Variants in LDB2 observed in about 807,000 individuals in gnomAD.
LDB2 encodes the protein LIM domain-binding protein 2.
LDB2 carries 12 observed loss-of-function variants against 44.3 expected under a neutral mutation model. The ratio of observed to expected loss-of-function variants is 0.27; its 90% confidence interval spans 0.17 to 0.44. The LOEUF (loss-of-function observed/expected upper bound fraction) is 0.44, where lower values mean the gene tolerates loss of function less well. Ranked by LOEUF, LDB2 falls within the 20% of genes least tolerant of loss-of-function variation. LDB2 has a pLI of 1.00. For synonymous variants in LDB2, 164 were observed against 174.8 expected (o/e 0.94, Z 0.49); for missense variants, 344 against 473.5 (o/e 0.73, Z 2.54).
chr4:16,658,255 T>C (rs1283483876), intron 2 of LDB2, among the ~76,000 whole-genome samples: 1 of 152,198 alleles, frequency 6.6e-6, no homozygotes, highest in African/African-American at 2.4e-5. Context: ...AAGAATTCAA[T>C]AAATTCCTGC....
chr4:16,881,107 C>G (rs544894574), intron 1 of LDB2, among the ~76,000 whole-genome samples: 5 of 152,110 alleles, frequency 3.3e-5, no homozygotes, highest in Non-Finnish European at 5.9e-5. Context: ...GCTTTGAATG[C>G]GTCTCACAGT....
chr4:16,595,624 C>T (rs1281372716), intron 3 of LDB2, 79 bp downstream of exon 3: 2 of 1,352,550 alleles, frequency 1.5e-6, no homozygotes, highest in South Asian at 2.8e-5. Context: ...CCCCAGGTTC[C>T]ATAGGAAAAC....
chr4:16,556,337 T>C (rs768220580), intron 5 of LDB2, among the ~76,000 whole-genome samples: 17 of 152,214 alleles, frequency 1.1e-4, no homozygotes, highest in Non-Finnish European at 2.2e-4. Flanking sequence ...AATAAATGCC[T>C]GGCACATAGT....
At chr4:16,634,620 C>T (rs1016841730) in intron 2 of LDB2, among the ~76,000 whole-genome samples, 7 of 152,012 alleles carry the variant, frequency 4.6e-5, no homozygotes, top group African/African-American at 1.4e-4. Context: ...GTTAGAATGG[C>T]GATCATTAAA....
rs771032741 is a variant in LDB2 at position 16,588,692 on chromosome 4, A to C, written c.531+18T>G. 51 of 1,610,262 alleles carry C rather than the reference A, an allele frequency of 3.2e-5. 1 individual carries two copies. In the South Asian group the frequency reaches 5.4e-4, roughly 17 times the overall value. ...GAAAAAAAAGAAAAGAAAGCAAAAC[A>C]GAAATTAAATTACTTACATGCATGG... On this transcript the variant is annotated intron_variant, in intron 4 of 7. Transcript: ENST00000304523.
intron 1 of LDB2, among the ~76,000 whole-genome samples, chr4:16,768,585 C>T (rs1442063589): frequency 2.0e-5 from 3 of 152,144 alleles, no homozygotes; most frequent in Non-Finnish European, 4.4e-5. Flanking sequence ...TTCTGCCTTT[C>T]TGTTACCTAG....
intron 7 of LDB2, among the ~76,000 whole-genome samples, chr4:16,505,461 A>T (rs1329752026): frequency 6.6e-6 from 1 of 152,142 alleles, no homozygotes; most frequent in Non-Finnish European, 1.5e-5. Context: ...TTAAAAATTT[A>T]TGTGCATGTT....
intron 2 of LDB2, among the ~76,000 whole-genome samples, chr4:16,664,579 G>A (rs1329631528): frequency 1.3e-5 from 2 of 152,158 alleles, no homozygotes; most frequent in Non-Finnish European, 2.9e-5. Flanking sequence ...TAGTTATCAT[G>A]AGTCTGCTTG....
chr4:16,796,139 T>C (rs1776682111), intron 1 of LDB2, among the ~76,000 whole-genome samples: 1 of 151,710 alleles, frequency 6.6e-6, no homozygotes, highest in Non-Finnish European at 1.5e-5. Context: ...AAAAAAAAAA[T>C]TAGCCCGTCA....
At chr4:16,660,845 A>G (rs1472988743) in intron 2 of LDB2, among the ~76,000 whole-genome samples, 2 of 152,190 alleles carry the variant, frequency 1.3e-5, no homozygotes, top group Non-Finnish European at 2.9e-5. Context: ...CAGTGTTAGG[A>G]AAAGGATTGC....
intron 2 of LDB2, among the ~76,000 whole-genome samples, chr4:16,663,021 A>T (rs1742043983): frequency 6.6e-6 from 1 of 152,176 alleles, no homozygotes; most frequent in Non-Finnish European, 1.5e-5. Context: ...TGAAAGAATC[A>T]TAGAACCACT....
rs560478586 is a variant in LDB2 at position 16,883,159 on chromosome 4, CAAAGAAGGTGGGAG to C, written c.132+15181_132+15194del. On this transcript the variant is annotated intron_variant, in intron 1 of 7. Coordinates refer to ENST00000304523, the MANE Select transcript of LDB2 (RefSeq NM_001290.5). Reference sequence around the variant, plus strand: ...CACTGTGACCAGCAAGATCCCTCACCAAAGAAGGTGGGAGAAAAAGAGCTGAAGGAGGCTCAGAA... The same window carrying C: ...CACTGTGACCAGCAAGATCCCTCACCAAAAAGAGCTGAAGGAGGCTCAGAA... Among the ~76,000 whole-genome samples, 8 of 152,218 alleles carry C rather than the reference CAAAGAAGGTGGGAG, an allele frequency of 5.3e-5. No homozygotes were observed. The South Asian group carries it at 1.7e-3, about 32-fold the overall frequency.
chr4:16,697,382 G>A (rs1243806987), intron 2 of LDB2, among the ~76,000 whole-genome samples: 1 of 151,794 alleles, frequency 6.6e-6, no homozygotes, highest in African/African-American at 2.4e-5. Context: ...GTGAATCTGG[G>A]AGGCAGAGCT....
chr4:16,630,220 A>G (rs916833607), intron 2 of LDB2, among the ~76,000 whole-genome samples: 2 of 152,194 alleles, frequency 1.3e-5, no homozygotes, highest in African/African-American at 4.8e-5. Flanking sequence ...GAGAAGCCCA[A>G]CAGACTAACA....
intron 2 of LDB2, among the ~76,000 whole-genome samples, chr4:16,631,405 C>T (rs973359002): frequency 2.6e-5 from 4 of 152,188 alleles, no homozygotes; most frequent in East Asian, 1.9e-4. Flanking sequence ...AGATACAACG[C>T]ACCGGAATCT....
rs562510181 is a variant in LDB2, at chr4:16,719,565, C to T, written c.235+39593G>A. Reference sequence around the variant, plus strand: ...TAAAGTGTCTTAGAATCCTATCTTTCTTGTTCCTGGACCACGGTAATTTTA... The same window carrying T: ...TAAAGTGTCTTAGAATCCTATCTTTTTTGTTCCTGGACCACGGTAATTTTA... On this transcript the variant is annotated intron_variant, in intron 2 of 7. Transcript: ENST00000304523. Among the ~76,000 whole-genome samples, 14 of 152,182 alleles carry T rather than the reference C, an allele frequency of 9.2e-5. No individual in the cohort carries two copies. In the East Asian group the frequency reaches 2.5e-3, roughly 27 times the overall value.
intron 2 of LDB2, among the ~76,000 whole-genome samples, chr4:16,743,458 A>C (rs1354894427): frequency 2.0e-5 from 3 of 151,994 alleles, no homozygotes; most frequent in Admixed American, 1.3e-4. Context: ...CTATGATGGG[A>C]TATTATCCCA....
chr4:16,724,426 C>A (rs1197390908), intron 2 of LDB2, among the ~76,000 whole-genome samples: 2 of 151,620 alleles, frequency 1.3e-5, no homozygotes, highest in African/African-American at 4.8e-5. Flanking sequence ...TCTCTCTGCA[C>A]TTATCAAAGT....
chr4:16,541,267 G>A (rs1199056786), intron 5 of LDB2, among the ~76,000 whole-genome samples: 1 of 152,150 alleles, frequency 6.6e-6, no homozygotes, highest in Non-Finnish European at 1.5e-5. Flanking sequence ...TGTCCATAGT[G>A]AGTTTTTATG....
Sources: gnomAD v4.1 joint callset for allele counts (sites outside exome capture counted in the v4.1 genomes callset) on GRCh38, gnomAD v4.1.1 for gene constraint, MANE v1.5 for transcripts, NCBI Gene and HGNC (gene_info 2026-07-23, HGNC 2026-07-21) for gene names.